MYCT1: variants seen among roughly 807,000 people sequenced by gnomAD.
MYCT1 encodes MYC target 1.
Under a neutral mutation model 15.0 loss-of-function variants are expected in MYCT1, and 12 were observed. That is an observed-to-expected ratio of 0.80 (90% confidence interval 0.51 to 1.29). MYCT1 has a LOEUF of 1.29. MYCT1 is among the 50% of genes most tolerant of loss of function. The pLI, the probability that MYCT1 is intolerant of heterozygous loss-of-function variation, is 0.00. For synonymous variants in MYCT1, 104 were observed against 102.7 expected (o/e 1.01, Z -0.07); for missense variants, 287 against 279.1 (o/e 1.03, Z -0.20).
intron 1 of MYCT1, among the ~76,000 whole-genome samples, chr6:152,718,140 G>A (rs1240999981): frequency 2.6e-5 from 4 of 151,988 alleles, no homozygotes; most frequent in Non-Finnish European, 5.9e-5. Flanking sequence ...TAGGTTTGTT[G>A]TCAAATTCCT....
At chr6:152,730,671 G>C in the MYCT1 span, among the ~76,000 whole-genome samples, 1 of 152,070 alleles carries the variant, frequency 6.6e-6, no homozygotes, top group African/African-American at 2.4e-5. Context: ...CCTAGCTATT[G>C]AATATCTCTC....
intron 1 of MYCT1, among the ~76,000 whole-genome samples, chr6:152,714,680 A>C (rs1339154735): frequency 6.6e-6 from 1 of 151,606 alleles, no homozygotes; most frequent in Non-Finnish European, 1.5e-5. Flanking sequence ...TTTGTCTGAT[A>C]ATTCAAATAT....
the MYCT1 span, among the ~76,000 whole-genome samples, chr6:152,737,405 CTATATCTATTTCTAAAG>C: frequency 6.6e-6 from 1 of 151,812 alleles, no homozygotes; most frequent in Non-Finnish European, 1.5e-5. Context: ...TTGGAGATAT[CTATATCTATTTCTAAAG>C]TCTCCCAGAG....
downstream of MYCT1, among the ~76,000 whole-genome samples, chr6:152,729,065 A>G (rs760047448): frequency 6.6e-6 from 1 of 152,250 alleles, no homozygotes; most frequent in Non-Finnish European, 1.5e-5. Context: ...TTAAGTGGAC[A>G]AAACTGTCAT....
chr6:152,713,006 C>T (rs2099723026), intron 1 of MYCT1, among the ~76,000 whole-genome samples: 1 of 151,872 alleles, frequency 6.6e-6, no homozygotes, highest in Non-Finnish European at 1.5e-5. Flanking sequence ...CTCCATCCAC[C>T]CTTTCCTCTG....
intron 1 of MYCT1, among the ~76,000 whole-genome samples, chr6:152,707,121 T>A (rs1487897079): frequency 6.6e-6 from 1 of 152,116 alleles, no homozygotes; most frequent in East Asian, 1.9e-4. Flanking sequence ...TACATTTTCA[T>A]CAACACTGTA....
chr6:152,723,259 CATG>C lies in MYCT1; in HGVS notation c.*1012_*1014del, dbSNP rs1202209314. On this transcript the variant is annotated 3_prime_UTR_variant, in exon 2 of 2. Coordinates refer to ENST00000367245, the MANE Select transcript of MYCT1 (RefSeq NM_025107.3). ...GAGGCAAAATCCTTGGATTTACTAA[CATG>C]ATGATTTACCTTTTCTTCACCGTTG... is the stretch of plus-strand genomic sequence containing the variant. 2 of 152,180 alleles carry C rather than the reference CATG, an allele frequency of 1.3e-5. No individual in the cohort carries two copies. The highest frequency in any genetic ancestry group is 4.8e-5 in the African/African-American group (2 of 41,434). The allele number at this position is 152,180 out of a possible 1,614,324, so 9.4% of individuals were successfully genotyped here. A position where few individuals can be genotyped will look rare whatever the true frequency, so the allele number is the denominator to read the frequency against.
intron 1 of MYCT1, among the ~76,000 whole-genome samples, chr6:152,716,649 A>ACACAACTATTGTGTATTG (rs2099723743): frequency 6.6e-6 from 1 of 152,062 alleles, no homozygotes; most frequent in East Asian, 1.9e-4. Flanking sequence ...GAAGGGTCAA[A>ACACAACTATTGTGTATTG]TGACTTGAGG....
intron 1 of MYCT1, among the ~76,000 whole-genome samples, chr6:152,716,997 A>G (rs1278929722): frequency 6.6e-6 from 1 of 151,802 alleles, no homozygotes; most frequent in Non-Finnish European, 1.5e-5. Flanking sequence ...TTTCAGTTAC[A>G]TTTTCTTCTA....
At chr6:152,732,378 G>A in the MYCT1 span, among the ~76,000 whole-genome samples, 13 of 152,280 alleles carry the variant, frequency 8.5e-5, 1 homozygote, top group East Asian at 5.8e-4. Context: ...AATTAGTTAT[G>A]ATGAGAGTTG....
At chr6:152,728,856 T>C, downstream of MYCT1, among the ~76,000 whole-genome samples, 1 of 152,188 alleles carries the variant, frequency 6.6e-6, no homozygotes, top group East Asian at 1.9e-4. Flanking sequence ...CAGTGAGCTG[T>C]GATCGTGCCA....
the MYCT1 span, among the ~76,000 whole-genome samples, chr6:152,746,821 C>CA: frequency 1.3e-5 from 2 of 151,964 alleles, no homozygotes; most frequent in Non-Finnish European, 2.9e-5. Context: ...TGATTTGAAG[C>CA]AAAAAAATTC....
chr6:152,727,489 C>T (rs17082964), downstream of MYCT1, among the ~76,000 whole-genome samples: 3,667 of 152,288 alleles, frequency 0.024, 111 homozygotes, highest in East Asian at 0.15. Flanking sequence ...TCTGTAACCA[C>T]AGAAGAGCTT....
At chr6:152,726,366 C>T (rs1192268522), downstream of MYCT1, among the ~76,000 whole-genome samples, 3 of 148,366 alleles carry the variant, frequency 2.0e-5, no homozygotes, top group Non-Finnish European at 4.4e-5. Flanking sequence ...AATTGAATTC[C>T]AGCTTGGGCA....
chr6:152,707,333 C>T (rs1432012564), intron 1 of MYCT1, among the ~76,000 whole-genome samples: 1 of 151,950 alleles, frequency 6.6e-6, no homozygotes, highest in African/African-American at 2.4e-5. Flanking sequence ...AGGTCCTTTG[C>T]TCATTTTGTA....
chr6:152,746,528 A>G, the MYCT1 span, among the ~76,000 whole-genome samples: 2 of 152,238 alleles, frequency 1.3e-5, no homozygotes, highest in Non-Finnish European at 2.9e-5. Context: ...GCTGTTGACC[A>G]CAGGTAACTG....
chr6:152,745,693 C>T, the MYCT1 span, among the ~76,000 whole-genome samples: 1 of 152,080 alleles, frequency 6.6e-6, no homozygotes, highest in African/African-American at 2.4e-5. Context: ...TGGCTGTCAT[C>T]GACTGAAATA....
At chr6:152,741,058 T>G in the MYCT1 span, among the ~76,000 whole-genome samples, 2 of 152,142 alleles carry the variant, frequency 1.3e-5, no homozygotes, top group Non-Finnish European at 2.9e-5. Context: ...TCTAAATAAT[T>G]TCTCCCCAAT....
At chr6:152,733,079 T>G in the MYCT1 span, among the ~76,000 whole-genome samples, 19 of 152,266 alleles carry the variant, frequency 1.2e-4, no homozygotes, top group African/African-American at 4.6e-4. Flanking sequence ...TATTTTGTTT[T>G]GTTTGCTTGT....
Sources: allele counts gnomAD v4.1 joint callset (sites outside exome capture counted in the v4.1 genomes callset), GRCh38; gene constraint gnomAD v4.1.1; transcripts MANE v1.5; gene names NCBI Gene and HGNC (gene_info 2026-07-23, HGNC 2026-07-21).